Variants in BBX observed in about 807,000 individuals in gnomAD.
The protein encoded by BBX is BBX high mobility group box domain containing, also known as HMG box transcription factor BBX.
BBX carries 30 observed loss-of-function variants against 100.2 expected under a neutral mutation model. That is an observed-to-expected ratio of 0.30 (90% CI 0.22 to 0.41). The LOEUF (loss-of-function observed/expected upper bound fraction) is 0.41, where lower values mean the gene tolerates loss of function less well. Ranked by LOEUF, BBX falls within the 10% of genes least tolerant of loss-of-function variation. The pLI, the probability that BBX is intolerant of heterozygous loss-of-function variation, is 1.00. For synonymous variants in BBX, 376 were observed against 388.1 expected (o/e 0.97, Z 0.37); for missense variants, 1,023 against 1,129.8 (o/e 0.91, Z 1.35).
intron 3 of BBX, among the ~76,000 whole-genome samples, chr3:107,679,076 T>C (rs768516653): frequency 6.6e-6 from 1 of 151,260 alleles, no homozygotes; most frequent in Non-Finnish European, 1.5e-5. Flanking sequence ...ATATGAAGCA[T>C]AGACAAAGTG....
intron 3 of BBX, among the ~76,000 whole-genome samples, chr3:107,657,736 G>C (rs926718942): frequency 3.9e-5 from 6 of 152,004 alleles, no homozygotes; most frequent in Non-Finnish European, 8.8e-5. Context: ...GGATATCCAT[G>C]GCATTATATT....
chr3:107,665,184 T>C (rs1230590613), intron 3 of BBX, among the ~76,000 whole-genome samples: 1 of 152,216 alleles, frequency 6.6e-6, no homozygotes, highest in Non-Finnish European at 1.5e-5. Context: ...TTATTGAATG[T>C]AGAAAGGAAA....
intron 2 of BBX, among the ~76,000 whole-genome samples, chr3:107,639,547 G>A (rs2057065263): frequency 6.6e-6 from 1 of 152,122 alleles, no homozygotes; most frequent in Non-Finnish European, 1.5e-5. Context: ...ACCCTTCCTG[G>A]AAGTGAAACT....
intron 2 of BBX, among the ~76,000 whole-genome samples, chr3:107,623,323 C>T (rs898605103): frequency 1.1e-4 from 17 of 152,142 alleles, no homozygotes; most frequent in Non-Finnish European, 2.1e-4. Context: ...AGAATTTTTG[C>T]TCTCTTTCTG....
chr3:107,742,258 C>G (rs373556552), intron 7 of BBX, among the ~76,000 whole-genome samples: 6 of 151,832 alleles, frequency 4.0e-5, no homozygotes, highest in Admixed American at 1.3e-4. Context: ...TCTGTCTTCT[C>G]CTTCTGTCTT....
chr3:107,650,471 T>G (rs2057777094), intron 3 of BBX, among the ~76,000 whole-genome samples: 2 of 152,170 alleles, frequency 1.3e-5, no homozygotes, highest in Admixed American at 6.5e-5. Flanking sequence ...TGGGGACCAC[T>G]GCCTTAAAGA....
intron 3 of BBX, among the ~76,000 whole-genome samples, chr3:107,690,165 G>A (rs1282505945): frequency 6.6e-6 from 1 of 151,920 alleles, no homozygotes; most frequent in African/African-American, 2.4e-5. Context: ...AAATTAAAAC[G>A]AATGTATTAG....
At chr3:107,785,690 A>C (rs2068345776) in intron 13 of BBX, among the ~76,000 whole-genome samples, 1 of 152,036 alleles carries the variant, frequency 6.6e-6, no homozygotes, top group Non-Finnish European at 1.5e-5. Context: ...CAGCCTGATA[A>C]AAGGCATCTA....
At chr3:107,565,457 T>TTATTTATTTATC (rs1390924190) in intron 2 of BBX, among the ~76,000 whole-genome samples, 1 of 147,156 alleles carries the variant, frequency 6.8e-6, no homozygotes, top group Non-Finnish European at 1.5e-5. Context: ...ATTTATTTAT[T>TTATTTATTTATC]TATTTATTTA....
At chr3:107,653,868 A>G (rs1241637568) in intron 3 of BBX, among the ~76,000 whole-genome samples, 2 of 152,184 alleles carry the variant, frequency 1.3e-5, no homozygotes, top group African/African-American at 4.8e-5. Context: ...TTGTGCCACA[A>G]TAATTATACT....
At chr3:107,683,277 A>G (rs2059664573) in intron 3 of BBX, among the ~76,000 whole-genome samples, 1 of 152,012 alleles carries the variant, frequency 6.6e-6, no homozygotes, top group Non-Finnish European at 1.5e-5. Flanking sequence ...TTAGTGTTTT[A>G]TTTGATTTCA....
At chr3:107,700,352 T>C (rs1231763432) in intron 3 of BBX, among the ~76,000 whole-genome samples, 1 of 149,858 alleles carries the variant, frequency 6.7e-6, no homozygotes, top group Non-Finnish European at 1.5e-5. Flanking sequence ...TTTGGGAGGG[T>C]TCAGGAAAAT....
intron 2 of BBX, among the ~76,000 whole-genome samples, chr3:107,548,904 C>T (rs946246525): frequency 3.9e-5 from 6 of 152,166 alleles, no homozygotes; most frequent in South Asian, 2.1e-4. Flanking sequence ...AAACCAAATA[C>T]CACATTCTCT....
chr3:107,565,788 T>C (rs558463158), intron 2 of BBX, among the ~76,000 whole-genome samples: 1 of 151,640 alleles, frequency 6.6e-6, no homozygotes, highest in African/African-American at 2.4e-5. Context: ...TTTTTTTGAA[T>C]GTGTATGTGT....
chr3:107,668,584 A>G (rs2058865023), intron 3 of BBX, among the ~76,000 whole-genome samples: 1 of 152,170 alleles, frequency 6.6e-6, no homozygotes, highest in Admixed American at 6.5e-5. Context: ...CATGCTCTGG[A>G]ACTCTGAGTC....
At chr3:107,534,115 A>G (rs2048338113) in intron 2 of BBX, among the ~76,000 whole-genome samples, 1 of 152,208 alleles carries the variant, frequency 6.6e-6, no homozygotes, top group African/African-American at 2.4e-5. Context: ...TTTGATATAG[A>G]CTGGAACTGT....
chr3:107,735,227 A>G (rs571827921), intron 7 of BBX, among the ~76,000 whole-genome samples: 45 of 152,286 alleles, frequency 3.0e-4, no homozygotes, highest in African/African-American at 1.1e-3. Context: ...CCAGATATGT[A>G]GACATGATAA....
intron 2 of BBX, among the ~76,000 whole-genome samples, chr3:107,593,948 T>G: frequency 6.6e-6 from 1 of 152,208 alleles, no homozygotes; most frequent in East Asian, 1.9e-4. Context: ...AGAATTGCAG[T>G]TCAGTAGTTG....
chr3:107,658,906 A>G (rs984827000), intron 3 of BBX, among the ~76,000 whole-genome samples: 2 of 152,120 alleles, frequency 1.3e-5, no homozygotes, highest in Non-Finnish European at 1.5e-5. Context: ...TTCAAAGACT[A>G]TATTCTTTGC....
Sources: gnomAD v4.1 joint callset for allele counts (sites outside exome capture counted in the v4.1 genomes callset) on GRCh38, gnomAD v4.1.1 for gene constraint, MANE v1.5 for transcripts, NCBI Gene and HGNC (gene_info 2026-07-23, HGNC 2026-07-21) for gene names.